Variants in SACS observed in about 807,000 individuals in gnomAD.
SACS encodes the protein sacsin.
Under a neutral mutation model 348.0 loss-of-function variants are expected in SACS, and 197 were observed. That is an observed-to-expected ratio of 0.57 (90% CI 0.50 to 0.64). The LOEUF (loss-of-function observed/expected upper bound fraction) is 0.64, where lower values mean the gene tolerates loss of function less well. SACS is among the 30% of genes least tolerant of loss of function. The pLI, the probability that SACS is intolerant of heterozygous loss-of-function variation, is 0.00. For synonymous variants in SACS, 1,985 were observed against 1,910.6 expected (o/e 1.04, Z -1.02); for missense variants, 4,999 against 5,360.8 (o/e 0.93, Z 2.11).
Position 23,375,449 on chromosome 13 carries a change from G to C in SACS, c.21-180C>G, listed in dbSNP as rs938152341. 1.6e-5 allele frequency: 19 copies of C among 1,179,464 alleles called. No individual in the cohort carries two copies. The East Asian group carries it at 1.9e-4, about 12-fold the overall frequency. The allele number at this position is 1,179,464 out of a possible 1,614,324, so 73.1% of individuals were successfully genotyped here. A position where few individuals can be genotyped will look rare whatever the true frequency, so the allele number is the denominator to read the frequency against. ...CTACCGCGTCCACAGGCCCCGCGCG[G>C]GCCGGGAGGGCGGGATCCGCATGGC... On this transcript the variant is annotated intron_variant, in intron 2 of 9. Transcript: ENST00000382292.
intron 1 of SACS, among the ~76,000 whole-genome samples, chr13:23,417,796 C>T (rs565622725): frequency 3.9e-5 from 6 of 152,138 alleles, no homozygotes; most frequent in Admixed American, 2.0e-4. Context: ...AGGCCGGGTG[C>T]GGTGGCTCAC....
At position 23,358,486 on chromosome 13, in the gene SACS, G is replaced by A. The variant is rs2137743552; in HGVS notation, c.458-5C>T. On this transcript the variant is annotated splice_region_variant and splice_polypyrimidine_tract_variant and intron_variant, in intron 6 of 9. Coordinates refer to ENST00000382292, the MANE Select transcript of SACS (RefSeq NM_014363.6). ...TGTACACATAGAGAGCTGGCCCTAG[G>A]TGTGAAAATGCGCAGGCAGGAATTC... 1 of 1,614,080 alleles carries A rather than the reference G, an allele frequency of 6.2e-7. No homozygotes were observed. Among genetic ancestry groups the A allele is most frequent in the Non-Finnish European group, 8.5e-7 (1 of 1,180,010 alleles).
intron 2 of SACS, among the ~76,000 whole-genome samples, chr13:23,376,258 A>C (rs539218695): frequency 6.6e-6 from 1 of 152,314 alleles, no homozygotes; most frequent in Admixed American, 6.5e-5. Context: ...GAGTCTTAAG[A>C]GTTGATGAAA....
At chr13:23,413,510 GA>G (rs1373415751) in intron 1 of SACS, among the ~76,000 whole-genome samples, 8 of 152,174 alleles carry the variant, frequency 5.3e-5, no homozygotes, top group Admixed American at 2.0e-4. Flanking sequence ...ACTGGAAACA[GA>G]AAGACCAGCT....
intron 2 of SACS, among the ~76,000 whole-genome samples, chr13:23,395,435 C>T (rs1872677776): frequency 6.6e-6 from 1 of 152,144 alleles, no homozygotes; most frequent in South Asian, 2.1e-4. Context: ...CCTTCCTATC[C>T]CCTCTGCTCC....
At chr13:23,397,447 G>A (rs552122028) in intron 2 of SACS, among the ~76,000 whole-genome samples, 2 of 152,208 alleles carry the variant, frequency 1.3e-5, no homozygotes, top group East Asian at 1.9e-4. Flanking sequence ...TTATTTATAA[G>A]GTTTCTTTTT....
Position 23,337,555 on chromosome 13 carries a change from C to CT in SACS, c.6320_6321insA (p.Val2108GlyfsTer18). On this transcript the variant is annotated frameshift_variant, in exon 10 of 10. Transcript: ENST00000382292. LOFTEE classifies it high-confidence loss of function. ...GGTGGATCAATCTTGATGGCAAAACCAAAGGATGCCCCTCCAAGGAACAAG... is the reference window on the plus strand; with the variant it reads ...GGTGGATCAATCTTGATGGCAAAACCTAAAGGATGCCCCTCCAAGGAACAAG... The CT allele has an allele frequency of 6.2e-7, 1 of 1,613,834 alleles. No individual in the cohort carries two copies. Among genetic ancestry groups the CT allele is most frequent in the Non-Finnish European group, 8.5e-7 (1 of 1,179,894 alleles).
At chr13:23,383,983 T>C (rs1872171551) in intron 2 of SACS, among the ~76,000 whole-genome samples, 1 of 152,200 alleles carries the variant, frequency 6.6e-6, no homozygotes, top group African/African-American at 2.4e-5. Context: ...GCAAGGTCTT[T>C]CTGGGGAGGG....
chr13:23,335,023 A>G lies in SACS; in HGVS notation c.8853T>C (p.Val2951=), dbSNP rs9552929. 0.26 allele frequency: 423,104 copies of G among 1,613,350 alleles called. 58,049 individuals are homozygous for G. The highest frequency in any genetic ancestry group is 0.36 in the Admixed American group (21,881 of 59,966). ...AAAACTTCTTTAAAGTGTCCTTTAC[A>G]ACATGAATAGGGGTGTTCTGTAACA... ...LSVLQNTPIH[V]VKDTLKKFLS... The change falls in exon 10 of 10, where the codon GTT becomes GTC. Residue 2951 remains valine, a synonymous_variant. Transcript: ENST00000382292. This position sits in a 1 kb window ranked among gnomAD's most constrained non-coding sequence, Gnocchi z 4.7.
chr13:23,374,344 G>A (rs906345955), intron 3 of SACS, among the ~76,000 whole-genome samples: 3 of 152,202 alleles, frequency 2.0e-5, no homozygotes, highest in African/African-American at 4.8e-5. Context: ...TTTGTATCGA[G>A]TAGTAAGGAA....
intron 9 of SACS, among the ~76,000 whole-genome samples, chr13:23,352,516 G>A (rs1220794480): frequency 4.6e-5 from 7 of 152,146 alleles, no homozygotes; most frequent in Non-Finnish European, 1.0e-4. Context: ...TCTGCGTTCT[G>A]ATCTAGGTTT....
At chr13:23,380,146 T>TGA (rs1401855434) in intron 2 of SACS, among the ~76,000 whole-genome samples, 5 of 151,184 alleles carry the variant, frequency 3.3e-5, no homozygotes, top group African/African-American at 1.2e-4. Context: ...TGTGTGTGTG[T>TGA]GTGAGAGAGA....
intron 2 of SACS, among the ~76,000 whole-genome samples, chr13:23,378,504 C>A (rs1166318048): frequency 6.6e-6 from 1 of 151,950 alleles, no homozygotes; most frequent in Non-Finnish European, 1.5e-5. Flanking sequence ...GAGACAGAGT[C>A]TCGCTCTGTC....
intron 2 of SACS, among the ~76,000 whole-genome samples, chr13:23,399,312 TCTC>T (rs1872852798): frequency 6.6e-6 from 1 of 152,102 alleles, no homozygotes; most frequent in Admixed American, 6.6e-5. Flanking sequence ...CCTTGTCCCT[TCTC>T]CTAAGCTACT....
chr13:23,424,230 G>C (rs1407039097), intron 1 of SACS, among the ~76,000 whole-genome samples: 12 of 152,190 alleles, frequency 7.9e-5, no homozygotes, highest in African/African-American at 2.9e-4. Context: ...GAGAATCTAA[G>C]AAAGGAGATT....
intron 9 of SACS, among the ~76,000 whole-genome samples, chr13:23,349,127 C>G (rs888471097): frequency 6.6e-6 from 1 of 152,204 alleles, no homozygotes; most frequent in African/African-American, 2.4e-5. Context: ...AGGAGGGTGA[C>G]ATGATCAGAT....
Position 23,337,522 on chromosome 13 carries a change from T to A in SACS, c.6354A>T (p.Gly2118=). The A allele has an allele frequency of 6.2e-7, 1 of 1,613,982 alleles. No homozygotes were observed. The highest frequency in any genetic ancestry group is 2.2e-5 in the East Asian group (1 of 44,864). The change falls in exon 10 of 10, where the codon GGA becomes GGT. Residue 2118 remains glycine (G), a synonymous_variant. Coordinates refer to ENST00000382292, the MANE Select transcript of SACS (RefSeq NM_014363.6). ...VLPSRLIHPE[G]RVAKLFDIKD... is the part of the protein sequence containing the mutation. ...TAATATCAAATAACTTTGCAACTCG[T>A]CCTTCGGGGTGGATCAATCTTGATG...
At chr13:23,375,639 C>A (rs1267588255) in intron 2 of SACS, 2 of 860,722 alleles carry the variant, frequency 2.3e-6, no homozygotes, top group Non-Finnish European at 2.8e-6. Context: ...AGCTGGGGAT[C>A]CGCCCCGCCC....
At position 23,372,746 on chromosome 13, in the gene SACS, C is replaced by T. The variant is rs539950322; in HGVS notation, c.172-1581G>A. 1.6e-4 allele frequency among the ~76,000 whole-genome samples: 24 copies of T among 152,226 alleles called. 1 individual carries two copies. The South Asian group carries it at 4.2e-3, about 26-fold the overall frequency. ...TGTATGTGCTTATCTCTGATGATTA[C>T]GTCTTTATTTTCTTGGTCTGACTCA... On this transcript the variant is annotated intron_variant, in intron 3 of 9. Transcript: ENST00000382292.
Sources: allele counts gnomAD v4.1 joint callset (sites outside exome capture counted in the v4.1 genomes callset), GRCh38; gene constraint gnomAD v4.1.1; non-coding constraint Gnocchi (gnomAD v3.1); transcripts MANE v1.5; gene names NCBI Gene and HGNC (gene_info 2026-07-23, HGNC 2026-07-21).